CDON: variants seen among roughly 807,000 people sequenced by gnomAD.
CDON encodes cell adhesion molecule-related/down-regulated by oncogenes.
CDON carries 73 observed loss-of-function variants against 120.9 expected under a neutral mutation model. The ratio of observed to expected loss-of-function variants is 0.60; its 90% CI spans 0.50 to 0.73. The LOEUF (loss-of-function observed/expected upper bound fraction) is 0.73, where lower values mean the gene tolerates loss of function less well. Ranked by LOEUF, CDON falls within the 30% of genes least tolerant of loss-of-function variation. The pLI, the probability that CDON is intolerant of heterozygous loss-of-function variation, is 0.00. For synonymous variants in CDON, 566 were observed against 573.5 expected (o/e 0.99, Z 0.19); for missense variants, 1,470 against 1,587.3 (o/e 0.93, Z 1.26).
intron 15 of CDON, among the ~76,000 whole-genome samples, chr11:125,984,514 C>G (rs1220519968): frequency 1.3e-5 from 2 of 152,060 alleles, no homozygotes; most frequent in African/African-American, 4.8e-5. Flanking sequence ...CTGAGCAACA[C>G]AGGGAAACCC....
intron 1 of CDON, among the ~76,000 whole-genome samples, chr11:126,051,896 G>A (rs928710837): frequency 2.0e-5 from 3 of 152,096 alleles, no homozygotes; most frequent in East Asian, 1.9e-4. Context: ...TGATCCACCC[G>A]CCTCAGCCTC....
At chr11:125,987,860 G>C (rs1201785316) in intron 15 of CDON, among the ~76,000 whole-genome samples, 2 of 152,162 alleles carry the variant, frequency 1.3e-5, no homozygotes, top group African/African-American at 2.4e-5. Context: ...ATGGATATAT[G>C]TTTAAATATG....
chr11:125,971,157 G>A (rs1220910329), intron 18 of CDON, among the ~76,000 whole-genome samples: 1 of 152,126 alleles, frequency 6.6e-6, no homozygotes, highest in Non-Finnish European at 1.5e-5. Context: ...GCCAAGGCGG[G>A]CGGATCACGA....
At chr11:126,014,111 A>G (rs1055294438) in intron 7 of CDON, among the ~76,000 whole-genome samples, 1 of 152,104 alleles carries the variant, frequency 6.6e-6, no homozygotes, top group African/African-American at 2.4e-5. Context: ...ACTTACACTA[A>G]TGTCAGAACA....
intron 1 of CDON, among the ~76,000 whole-genome samples, chr11:126,026,918 T>A (rs572285169): frequency 9.2e-5 from 14 of 152,318 alleles, no homozygotes; most frequent in African/African-American, 2.4e-4. Flanking sequence ...ATTTATTTAT[T>A]AAAAAGCAGT....
intron 14 of CDON, among the ~76,000 whole-genome samples, chr11:125,991,292 T>C (rs1483983247): frequency 2.0e-5 from 3 of 152,208 alleles, no homozygotes; most frequent in African/African-American, 7.2e-5. Flanking sequence ...ATAAGACAAC[T>C]AAGTACATCA....
At chr11:126,035,283 T>C (rs926411029) in intron 1 of CDON, among the ~76,000 whole-genome samples, 3 of 152,204 alleles carry the variant, frequency 2.0e-5, no homozygotes, top group African/African-American at 4.8e-5. Context: ...GGATCTTTGC[T>C]GCAAATAAAC....
intron 18 of CDON, among the ~76,000 whole-genome samples, chr11:125,966,875 A>C (rs1403861124): frequency 6.6e-6 from 1 of 151,938 alleles, no homozygotes; most frequent in East Asian, 1.9e-4. Context: ...TAGAGGTTAA[A>C]AAAAAAAAGA....
chr11:126,039,727 C>T (rs976240334), intron 1 of CDON, among the ~76,000 whole-genome samples: 1 of 152,166 alleles, frequency 6.6e-6, no homozygotes, highest in Non-Finnish European at 1.5e-5. Context: ...AGCATTATCA[C>T]TCTTCTCAGC....
At chr11:126,003,637 T>C (rs1947023422) in intron 10 of CDON, among the ~76,000 whole-genome samples, 1 of 151,950 alleles carries the variant, frequency 6.6e-6, no homozygotes, top group South Asian at 2.1e-4. Context: ...TGGCTAACAC[T>C]GTGAAGCCCC....
chr11:125,994,987 A>G lies in CDON; in HGVS notation c.2428T>C (p.Ser810Pro). The G allele has an allele frequency of 6.2e-7, 1 of 1,614,180 alleles. No individual in the cohort carries two copies. Among genetic ancestry groups the G allele is most frequent in the Non-Finnish European group, 8.5e-7 (1 of 1,179,994 alleles). ...AACCCAACCACTTGATAAGGACGAG[A>G]TGCTGAACTCCGAAAACTCTCACCA... is the stretch of plus-strand genomic sequence containing the variant. ...HYGESFRSSA[S>P]RPYQVVGFPN... is the part of the protein sequence containing the mutation. The change falls in exon 13 of 20, where the codon TCT (serine) becomes CCT (proline). Residue 810 changes from serine to proline, a missense_variant. Ser to Pro is a moderately conservative substitution (Grantham distance 74). Transcript: ENST00000531738.
At chr11:126,059,171 GC>G (rs1202021135) in intron 1 of CDON, among the ~76,000 whole-genome samples, 1 of 152,178 alleles carries the variant, frequency 6.6e-6, no homozygotes, top group African/African-American at 2.4e-5. Context: ...GCCTTTACAG[GC>G]AAGACCAAAC....
intron 18 of CDON, among the ~76,000 whole-genome samples, chr11:125,973,996 A>T (rs1041577835): frequency 1.3e-5 from 2 of 151,828 alleles, no homozygotes; most frequent in African/African-American, 4.8e-5. Flanking sequence ...CCCGGGTTCA[A>T]GTGATTCTTC....
At chr11:126,007,190 A>T (rs1275800913) in intron 8 of CDON, among the ~76,000 whole-genome samples, 1 of 152,182 alleles carries the variant, frequency 6.6e-6, no homozygotes, top group Non-Finnish European at 1.5e-5. Context: ...GTCCAAAATG[A>T]AGTCAGATTC....
intron 1 of CDON, among the ~76,000 whole-genome samples, chr11:126,031,377 G>C (rs973465598): frequency 6.6e-6 from 1 of 152,086 alleles, no homozygotes; most frequent in African/African-American, 2.4e-5. Flanking sequence ...ATACAGCTTC[G>C]TTTTATTCAG....
rs1476911428 is a variant in CDON, at chr11:126,034,051, CT to C, written c.-61-10515del. Among the ~76,000 whole-genome samples, 2 of 152,040 alleles carry C rather than the reference CT, an allele frequency of 1.3e-5. No homozygotes were observed. Among genetic ancestry groups the C allele is most frequent in the Admixed American group, 1.3e-4 (2 of 15,268 alleles). ...CTCTCTTCCTGCCAGGATGAAGCCC[CT>C]GGGTGTGAAATGCAGCTTTCCACAG... On this transcript the variant is annotated intron_variant, in intron 1 of 19. Coordinates refer to ENST00000531738, the MANE Select transcript of CDON (RefSeq NM_001378964.1). The surrounding 1 kb of genome is among the most constrained non-coding windows in gnomAD (Gnocchi z 4.5).
At chr11:125,990,674 A>C (rs972019337) in intron 14 of CDON, among the ~76,000 whole-genome samples, 2 of 152,202 alleles carry the variant, frequency 1.3e-5, no homozygotes, top group Non-Finnish European at 2.9e-5. Flanking sequence ...AAGCAAAACA[A>C]AACCACACAT....
Position 126,005,801 on chromosome 11 carries a change from A to G in CDON, c.1809T>C (p.Asp603=), listed in dbSNP as rs750622474. The change falls in exon 9 of 20, where the codon GAT becomes GAC. Residue 603 remains aspartate (D), a synonymous_variant. Transcript: ENST00000531738. The part of the protein sequence containing the change: ...TYNLVWRAGK[D]GGLPINAYFV... ...AGTAAGCATTGATGGGCAGCCCACC[A>G]TCCTTGCCTGCCCTCCACACCAGGT... The G allele has an allele frequency of 6.8e-6, 11 of 1,613,940 alleles. No individual in the cohort carries two copies. Among genetic ancestry groups the G allele is most frequent in the Admixed American group, 6.7e-5 (4 of 60,006 alleles).
At chr11:126,041,116 G>A (rs1565549371) in intron 1 of CDON, among the ~76,000 whole-genome samples, 1 of 150,934 alleles carries the variant, frequency 6.6e-6, no homozygotes, top group Non-Finnish European at 1.5e-5. Context: ...TTGAACCTGG[G>A]AGGCAGAGGA....
Sources: gnomAD v4.1 joint callset for allele counts (sites outside exome capture counted in the v4.1 genomes callset) on GRCh38, gnomAD v4.1.1 for gene constraint, Gnocchi (gnomAD v3.1) non-coding constraint, MANE v1.5 for transcripts, NCBI Gene and HGNC (gene_info 2026-07-23, HGNC 2026-07-21) for gene names.